The following RCAN3 variants were observed in gnomAD, a reference collection of about 807,000 sequenced individuals.
RCAN3 encodes calcipressin-3.
RCAN3 carries 19 observed loss-of-function variants against 21.9 expected under a neutral mutation model. The ratio of observed to expected loss-of-function variants is 0.87; its 90% CI spans 0.61 to 1.27. The LOEUF is 1.27. Ranked by LOEUF, RCAN3 falls within the 50% of genes most tolerant of loss-of-function variation. The pLI, the probability that RCAN3 is intolerant of heterozygous loss-of-function variation, is 0.00. For missense variants in RCAN3, 240 were observed against 300.1 expected (o/e 0.80, Z 1.48); for synonymous variants, 114 against 112.3 (o/e 1.01, Z -0.09).
intron 1 of RCAN3, among the ~76,000 whole-genome samples, chr1:24,512,810 A>G (rs987352632): frequency 6.6e-5 from 10 of 152,194 alleles, no homozygotes; most frequent in African/African-American, 2.4e-5. Flanking sequence ...TGCTTGGTGC[A>G]TGTGATGTGC....
intron 1 of RCAN3, among the ~76,000 whole-genome samples, chr1:24,510,802 A>G (rs1218658658): frequency 6.6e-6 from 1 of 152,212 alleles, no homozygotes; most frequent in Non-Finnish European, 1.5e-5. Flanking sequence ...CTGGGGACGT[A>G]TCTTCCTCAG....
chr1:24,534,448 C>T (rs1650049427), intron 4 of RCAN3, among the ~76,000 whole-genome samples: 1 of 152,030 alleles, frequency 6.6e-6, no homozygotes, highest in South Asian at 2.1e-4. Context: ...ACTAAAAATA[C>T]AAAAACAAAT....
chr1:24,507,349 A>G (rs1436836830), intron 1 of RCAN3, among the ~76,000 whole-genome samples: 2 of 152,136 alleles, frequency 1.3e-5, no homozygotes, highest in Non-Finnish European at 2.9e-5. Flanking sequence ...AAGTCTCACC[A>G]TTGCCTCCTT....
intron 2 of RCAN3, among the ~76,000 whole-genome samples, chr1:24,518,962 G>T (rs1330844915): frequency 6.6e-6 from 1 of 152,028 alleles, no homozygotes; most frequent in Non-Finnish European, 1.5e-5. Context: ...TTTTAGTAAA[G>T]ACAGGGTTTC....
chr1:24,510,517 A>C (rs1440536939), intron 1 of RCAN3, among the ~76,000 whole-genome samples: 1 of 152,218 alleles, frequency 6.6e-6, no homozygotes, highest in Non-Finnish European at 1.5e-5. Flanking sequence ...CACTAGCTTC[A>C]GACTTTTCTT....
chr1:24,528,749 C>T (rs752394416), intron 2 of RCAN3, among the ~76,000 whole-genome samples: 7 of 152,176 alleles, frequency 4.6e-5, no homozygotes, highest in Non-Finnish European at 7.3e-5. Context: ...AACACATCCA[C>T]CTAATAGTGG....
intron 1 of RCAN3, among the ~76,000 whole-genome samples, chr1:24,511,483 A>G (rs1647883318): frequency 6.6e-6 from 1 of 150,598 alleles, no homozygotes; most frequent in Non-Finnish European, 1.5e-5. Flanking sequence ...ATTGGTGAAG[A>G]ACACCCACAA....
At chr1:24,534,555 C>T (rs1207586649) in intron 4 of RCAN3, among the ~76,000 whole-genome samples, 2 of 147,800 alleles carry the variant, frequency 1.4e-5, no homozygotes, top group East Asian at 1.9e-4. Context: ...TGCAGTGAGC[C>T]GAGGTCGCAC....
At position 24,539,933 on chromosome 1, in the gene RCAN3, G is replaced by A. The variant is rs1211239178; in HGVS notation, c.*4656G>A. ...GACAATATAAAGGAACAAAAGATGG[G>A]GCAATAGTTGCTTCCTAGCTGGAGC... On this transcript the variant is annotated 3_prime_UTR_variant, in exon 5 of 5. Coordinates refer to ENST00000374395, the MANE Select transcript of RCAN3 (RefSeq NM_013441.4). 1 of 152,094 alleles carries A rather than the reference G, an allele frequency of 6.6e-6. No individual in the cohort carries two copies. Among genetic ancestry groups the A allele is most frequent in the Non-Finnish European group, 1.5e-5 (1 of 68,026 alleles). 9.4% of individuals were successfully genotyped at this position (152,094 alleles called of 1,614,324 possible). A position where few individuals can be genotyped will look rare whatever the true frequency, so the allele number is the denominator to read the frequency against.
In RCAN3 at chr1:24,531,272, T is replaced by C; in HGVS notation, c.250T>C (p.Phe84Leu). Residue 84 changes from phenylalanine to leucine, a missense_variant, in exon 3 of 5, where the codon TTT becomes CTT. Physicochemically the swap from Phe to Leu is conservative, Grantham distance 22. Transcript: ENST00000374395. ...TGATGACCAGGTTACTTTTCAGCTGTTTAAAAGCTTTAGAAGAGTCAGAAT... is the reference window on the plus strand; with the variant it reads ...TGATGACCAGGTTACTTTTCAGCTGCTTAAAAGCTTTAGAAGAGTCAGAAT... ...IYDDQVTFQL[F>L]KSFRRVRINF... 6.2e-7 allele frequency: 1 copy of C among 1,613,476 alleles called. No individual in the cohort carries two copies. Among genetic ancestry groups the C allele is most frequent in the Non-Finnish European group, 8.5e-7 (1 of 1,179,618 alleles).
chr1:24,521,160 A>G (rs1648772776), intron 2 of RCAN3, among the ~76,000 whole-genome samples: 1 of 152,236 alleles, frequency 6.6e-6, no homozygotes, highest in Non-Finnish European at 1.5e-5. Flanking sequence ...CTTTGTATAT[A>G]TGGTCAAATG....
chr1:24,509,178 A>G (rs555638531), intron 1 of RCAN3, among the ~76,000 whole-genome samples: 8 of 152,184 alleles, frequency 5.3e-5, no homozygotes, highest in African/African-American at 1.7e-4. Flanking sequence ...AAAATAATGC[A>G]AACGATTAAG....
chr1:24,509,813 A>G (rs1346958805), intron 1 of RCAN3, among the ~76,000 whole-genome samples: 1 of 152,208 alleles, frequency 6.6e-6, no homozygotes, highest in African/African-American at 2.4e-5. Flanking sequence ...TACTTTGCCC[A>G]GATCTATCTG....
chr1:24,512,985 C>A (rs1440495896), intron 1 of RCAN3, among the ~76,000 whole-genome samples: 1 of 152,156 alleles, frequency 6.6e-6, no homozygotes, highest in East Asian at 1.9e-4. Context: ...CACCTGTAAT[C>A]CCAGCGCTTT....
intron 1 of RCAN3, among the ~76,000 whole-genome samples, chr1:24,512,900 T>G (rs991409957): frequency 1.3e-5 from 2 of 152,204 alleles, no homozygotes; most frequent in Non-Finnish European, 2.9e-5. Flanking sequence ...CCAGGGACAC[T>G]GTCAGCTCCA....
chr1:24,524,828 G>GTTTTTTTTTTTT (rs5773091), intron 2 of RCAN3, among the ~76,000 whole-genome samples: 17 of 127,222 alleles, frequency 1.3e-4, no homozygotes, highest in African/African-American at 2.4e-4. Flanking sequence ...GTTTTCTTTT[G>GTTTTTTTTTTTT]TTTTTTTTTT....
At chr1:24,529,475 C>T (rs1649565973) in intron 2 of RCAN3, among the ~76,000 whole-genome samples, 1 of 150,510 alleles carries the variant, frequency 6.6e-6, no homozygotes, top group African/African-American at 2.4e-5. Context: ...GGCTTGAGCC[C>T]AGGAGTTTGA....
chr1:24,512,451 G>C (rs1647967145), intron 1 of RCAN3, among the ~76,000 whole-genome samples: 1 of 152,072 alleles, frequency 6.6e-6, no homozygotes, highest in African/African-American at 2.4e-5. Flanking sequence ...GGCTTTGCTG[G>C]GAGTGCCTTG....
In RCAN3 at chr1:24,532,943, C is replaced by A. The variant is rs528471653; in HGVS notation, c.370-140C>A. 2.6e-4 allele frequency: 141 copies of A among 536,928 alleles called. 1 individual carries two copies. Among genetic ancestry groups the A allele is most frequent in the Middle Eastern group, 1.8e-3 (3 of 1,634 alleles). The allele number at this position is 536,928 out of a possible 1,614,324, so 33.3% of individuals were successfully genotyped here. On this transcript the variant is annotated intron_variant, in intron 3 of 4. Transcript: ENST00000374395. ...CAGCCTGGGCGACAAAGTGAGACTCCGTCTCAAAAAAAAAAAAAAAAAAAA... is the reference window on the plus strand; with the variant it reads ...CAGCCTGGGCGACAAAGTGAGACTCAGTCTCAAAAAAAAAAAAAAAAAAAA...
Sources: gnomAD v4.1 joint callset for allele counts (sites outside exome capture counted in the v4.1 genomes callset) on GRCh38, gnomAD v4.1.1 for gene constraint, MANE v1.5 for transcripts, NCBI Gene and HGNC (gene_info 2026-07-23, HGNC 2026-07-21) for gene names.